Variants in GRM7 observed in about 807,000 individuals in gnomAD.
GRM7 encodes glutamate metabotropic receptor 7.
GRM7 carries 35 observed loss-of-function variants against 84.5 expected under a neutral mutation model. The observed-to-expected ratio is 0.41, with a 90% CI of 0.32 to 0.55. The LOEUF (loss-of-function observed/expected upper bound fraction) is 0.55, where lower values mean the gene tolerates loss of function less well. GRM7 is among the 20% of genes least tolerant of loss of function. The probability of loss-of-function intolerance (pLI) is 0.19; values close to 1 mark genes in which losing one functional copy is unlikely to be tolerated. For synonymous variants in GRM7, 487 were observed against 455.1 expected (o/e 1.07, Z -0.89); for missense variants, 1,003 against 1,194.6 (o/e 0.84, Z 2.36).
At chr3:7,376,941 AAC>A (rs1694375705) in intron 4 of GRM7, among the ~76,000 whole-genome samples, 1 of 152,222 alleles carries the variant, frequency 6.6e-6, no homozygotes, top group Non-Finnish European at 1.5e-5. Context: ...CATTTGTGAC[AAC>A]CAAAAATGTC....
intron 9 of GRM7, among the ~76,000 whole-genome samples, chr3:7,718,743 A>G (rs1367134258): frequency 6.6e-6 from 1 of 152,194 alleles, no homozygotes; most frequent in Admixed American, 6.5e-5. Context: ...GGTGGTTGAC[A>G]TATTGGCCTC....
chr3:7,341,663 T>C (rs1283908078), intron 4 of GRM7, among the ~76,000 whole-genome samples: 1 of 152,134 alleles, frequency 6.6e-6, no homozygotes. Context: ...TGTTTTCCAA[T>C]AGCACTTAGC....
chr3:7,450,929 T>G (rs571017605), intron 5 of GRM7, among the ~76,000 whole-genome samples: 1 of 133,014 alleles, frequency 7.5e-6, no homozygotes, highest in East Asian at 2.3e-4. Context: ...TTTTATGTTA[T>G]ATGTTAAATG....
intron 1 of GRM7, among the ~76,000 whole-genome samples, chr3:7,059,925 T>C (rs1244666147): frequency 6.6e-6 from 1 of 151,836 alleles, no homozygotes; most frequent in Non-Finnish European, 1.5e-5. Flanking sequence ...GTTTATAAGC[T>C]ACCCAGTTTA....
At position 6,876,022 on chromosome 3, in the gene GRM7, C is replaced by T. The variant is rs1001048717; in HGVS notation, c.519+14115C>T. On this transcript the variant is annotated intron_variant, in intron 1 of 9. Coordinates refer to ENST00000357716, the MANE Select transcript of GRM7 (RefSeq NM_000844.4). ...GTGGCTCACGCGTGTAACCATAGCA[C>T]TTTGGGAAGCCAAGGCAGGTGGATC... Among the ~76,000 whole-genome samples the T allele has an allele frequency of 2.0e-5, 3 of 152,118 alleles. No individual in the cohort carries two copies. In the South Asian group the frequency reaches 6.2e-4, roughly 31 times the overall value.
intron 1 of GRM7, among the ~76,000 whole-genome samples, chr3:6,941,925 G>T (rs570776353): frequency 1.3e-5 from 2 of 152,142 alleles, no homozygotes; most frequent in South Asian, 4.2e-4. Context: ...GACAAGTACC[G>T]TTTTAGTCGT....
intron 4 of GRM7, among the ~76,000 whole-genome samples, chr3:7,384,909 A>G (rs1399741835): frequency 2.0e-5 from 3 of 152,346 alleles, no homozygotes; most frequent in South Asian, 2.1e-4. Context: ...GAAATGTGCT[A>G]TGGAGATCAA....
chr3:7,622,832 C>T (rs1697424173), intron 8 of GRM7, among the ~76,000 whole-genome samples: 2 of 152,092 alleles, frequency 1.3e-5, no homozygotes, highest in Non-Finnish European at 1.5e-5. Context: ...CAGACTGAAA[C>T]CCGTGTCCGT....
chr3:7,160,188 A>G (rs1694580629), intron 2 of GRM7, among the ~76,000 whole-genome samples: 1 of 152,100 alleles, frequency 6.6e-6, no homozygotes, highest in Admixed American at 6.6e-5. Context: ...CTGTAGGTAA[A>G]TGAGAAGGAC....
At chr3:7,082,022 C>A (rs1319711532) in intron 1 of GRM7, among the ~76,000 whole-genome samples, 1 of 152,198 alleles carries the variant, frequency 6.6e-6, no homozygotes, top group East Asian at 1.9e-4. Flanking sequence ...GGTGAGGCAG[C>A]AAGTGCTGAT....
At chr3:7,349,921 G>A (rs1355645599) in intron 4 of GRM7, among the ~76,000 whole-genome samples, 1 of 151,550 alleles carries the variant, frequency 6.6e-6, no homozygotes, top group African/African-American at 2.4e-5. Context: ...ATGCTTGATA[G>A]GCATCTTTAA....
chr3:7,009,282 T>G (rs548635547), intron 1 of GRM7, among the ~76,000 whole-genome samples: 1 of 152,216 alleles, frequency 6.6e-6, no homozygotes, highest in African/African-American at 2.4e-5. Flanking sequence ...TTTGAAAACA[T>G]GTACTGAGTA....
intron 1 of GRM7, among the ~76,000 whole-genome samples, chr3:6,992,201 A>G (rs1381949791): frequency 6.6e-6 from 1 of 152,198 alleles, no homozygotes; most frequent in Non-Finnish European, 1.5e-5. Context: ...CTATTGTGCT[A>G]CATGCTCTTT....
At chr3:7,577,407 T>G (rs1393655730) in intron 7 of GRM7, among the ~76,000 whole-genome samples, 2 of 152,166 alleles carry the variant, frequency 1.3e-5, no homozygotes, top group Non-Finnish European at 2.9e-5. Flanking sequence ...CTAGGTCATG[T>G]GCACAACCCA....
chr3:7,386,919 C>T (rs961332832), intron 4 of GRM7, among the ~76,000 whole-genome samples: 5 of 152,118 alleles, frequency 3.3e-5, no homozygotes, highest in Admixed American at 1.3e-4. Context: ...TCTGCAACCT[C>T]GCTAACATCT....
intron 9 of GRM7, among the ~76,000 whole-genome samples, chr3:7,726,977 G>A (rs976023801): frequency 6.6e-5 from 10 of 151,706 alleles, no homozygotes; most frequent in Middle Eastern, 3.4e-3. Context: ...CTTTTACAGC[G>A]TTGAAATATT....
intron 2 of GRM7, among the ~76,000 whole-genome samples, chr3:7,205,994 T>C (rs1424627891): frequency 1.3e-5 from 2 of 152,202 alleles, no homozygotes; most frequent in African/African-American, 2.4e-5. Context: ...ATTCATGACA[T>C]TGTATCAATA....
chr3:7,049,803 G>A (rs996549547), intron 1 of GRM7, among the ~76,000 whole-genome samples: 26 of 151,766 alleles, frequency 1.7e-4, no homozygotes, highest in African/African-American at 6.3e-4. Flanking sequence ...AGGGATGGAT[G>A]GGGGAGAAGA....
chr3:6,952,820 A>G lies in GRM7; in HGVS notation c.519+90913A>G, dbSNP rs201172739. Among the ~76,000 whole-genome samples the G allele has an allele frequency of 2.6e-5, 4 of 152,336 alleles. No individual in the cohort carries two copies. In the East Asian group the frequency reaches 7.7e-4, roughly 29 times the overall value. ...TACAAAAGGATGCAAAATTGAATTAATAGTACCATATGACTTTCTTTCCTA... is the reference window on the plus strand; with the variant it reads ...TACAAAAGGATGCAAAATTGAATTAGTAGTACCATATGACTTTCTTTCCTA... On this transcript the variant is annotated intron_variant, in intron 1 of 9. Coordinates refer to ENST00000357716, the MANE Select transcript of GRM7 (RefSeq NM_000844.4).
Sources: allele counts gnomAD v4.1 joint callset (sites outside exome capture counted in the v4.1 genomes callset), GRCh38; gene constraint gnomAD v4.1.1; transcripts MANE v1.5; gene names NCBI Gene and HGNC (gene_info 2026-07-23, HGNC 2026-07-21).